Variants in CDH4 observed in about 807,000 individuals in gnomAD.
The protein encoded by CDH4 is cadherin-4.
Under a neutral mutation model 86.0 loss-of-function variants are expected in CDH4, and 33 were observed. The observed-to-expected ratio is 0.38, with a 90% CI of 0.29 to 0.51. CDH4 has a LOEUF of 0.51. CDH4 is among the 20% of genes least tolerant of loss of function. The pLI is 0.86. For missense variants in CDH4, 1,114 were observed against 1,307.4 expected, an observed-to-expected ratio of 0.85 and a Z score of 2.28; for synonymous variants, 555 against 549.4, an observed-to-expected ratio of 1.01 and a Z score of -0.14.
At chr20:61,646,325 C>T (rs1173214265) in intron 2 of CDH4, among the ~76,000 whole-genome samples, 5 of 152,196 alleles carry the variant, frequency 3.3e-5, no homozygotes, top group African/African-American at 1.2e-4. Flanking sequence ...AGTGTTTATT[C>T]AGCCCGCACC....
At chr20:61,645,667 T>C (rs1600835431) in intron 2 of CDH4, among the ~76,000 whole-genome samples, 1 of 150,536 alleles carries the variant, frequency 6.6e-6, no homozygotes, top group South Asian at 2.1e-4. Context: ...CATTTCCTGG[T>C]GCTTCTGCAG....
chr20:61,551,050 A>C (rs2086125739), intron 2 of CDH4, among the ~76,000 whole-genome samples: 1 of 152,258 alleles, frequency 6.6e-6, no homozygotes, highest in South Asian at 2.1e-4. Context: ...TAATCTTTAA[A>C]TTCAGTTTCC....
chr20:61,503,209 C>T (rs1027749194), intron 2 of CDH4, among the ~76,000 whole-genome samples: 23 of 152,014 alleles, frequency 1.5e-4, no homozygotes, highest in African/African-American at 5.6e-4. Context: ...GTGATCAGGG[C>T]GAGGTCTTTG....
chr20:61,283,466 C>T (rs1451213093), intron 2 of CDH4, among the ~76,000 whole-genome samples: 2 of 126,546 alleles, frequency 1.6e-5, no homozygotes, highest in East Asian at 2.5e-4. Flanking sequence ...TGCGTTTGCA[C>T]GCGTGTGCTG....
rs867262706 is a variant in CDH4, at chr20:61,582,349, C to T, written c.170-161214C>T. Among the ~76,000 whole-genome samples the T allele has an allele frequency of 3.0e-4, 46 of 152,306 alleles. No homozygotes were observed. The highest frequency in any genetic ancestry group is 9.6e-4 in the African/African-American group (40 of 41,586). On this transcript the variant is annotated intron_variant, in intron 2 of 15. Coordinates refer to ENST00000614565, the MANE Select transcript of CDH4 (RefSeq NM_001794.5). The surrounding 1 kb of genome is among the most constrained non-coding windows in gnomAD (Gnocchi z 4.2). ...TCCGCTCTCCTCCTTATTGTTCAAG[C>T]GCAGTGAAAAAGGCAGCGTGAGCCC...
intron 2 of CDH4, among the ~76,000 whole-genome samples, chr20:61,395,396 T>C (rs1327377247): frequency 6.6e-6 from 1 of 152,168 alleles, no homozygotes; most frequent in Non-Finnish European, 1.5e-5. Context: ...ATATGACATA[T>C]ATACATGCAT....
chr20:61,804,293 C>G (rs115515984), intron 4 of CDH4, among the ~76,000 whole-genome samples: 2,557 of 152,310 alleles, frequency 0.017, 66 homozygotes, highest in African/African-American at 0.058. Flanking sequence ...GTGTCACCAG[C>G]CACATGGTGC....
chr20:61,710,095 T>C (rs2087873654), intron 2 of CDH4, among the ~76,000 whole-genome samples: 1 of 152,116 alleles, frequency 6.6e-6, no homozygotes, highest in South Asian at 2.1e-4. Context: ...GGATCCAGAA[T>C]GAACCGAGAA....
In CDH4 at chr20:61,902,657, T is replaced by C. The variant is rs2054739250; in HGVS notation, c.1188+7610T>C. On this transcript the variant is annotated intron_variant, in intron 8 of 15. Transcript: ENST00000614565. The surrounding 1 kb of genome is among the most constrained non-coding windows in gnomAD (Gnocchi z 4.6). ...CAGACAAAACAGAAGCGAGTGGGTG[T>C]GGCCATGTCCCAATAAACTTTATTT... Among the ~76,000 whole-genome samples, 2 of 152,358 alleles carry C rather than the reference T, an allele frequency of 1.3e-5. No homozygotes were observed. Among genetic ancestry groups the C allele is most frequent in the African/African-American group, 4.8e-5 (2 of 41,582 alleles).
intron 2 of CDH4, among the ~76,000 whole-genome samples, chr20:61,608,681 T>G (rs1261423688): frequency 6.6e-6 from 1 of 152,262 alleles, no homozygotes; most frequent in African/African-American, 2.4e-5. Context: ...TTGGACGCTG[T>G]GCTCTCCTGG....
At position 61,254,864 on chromosome 20, in the gene CDH4, G is replaced by A; in HGVS notation, c.96G>A (p.Lys32=). The A allele has an allele frequency of 3.7e-6, 6 of 1,613,078 alleles. No individual in the cohort carries two copies. Among genetic ancestry groups the A allele is most frequent in the African/African-American group, 1.3e-5 (1 of 75,038 alleles). The part of the protein sequence containing the change: ...NEDLTTRETC[K]AGFSEDDYTA... ...ATCTTACAACTAGAGAGACCTGCAA[G>A]GCTGGGTTCTCTGAAGATGATTACA... The change falls in exon 2 of 16, where the codon AAG becomes AAA. Residue 32 remains lysine, a synonymous_variant. Transcript: ENST00000614565.
At chr20:61,263,527 G>A (rs6071558) in intron 2 of CDH4, among the ~76,000 whole-genome samples, 5 of 152,174 alleles carry the variant, frequency 3.3e-5, no homozygotes, top group Non-Finnish European at 7.3e-5. Context: ...TGCAGCCTAA[G>A]GTAGTTAGAA....
chr20:61,641,694 A>G lies in CDH4; in HGVS notation c.170-101869A>G, dbSNP rs6142814. 1.9e-4 allele frequency among the ~76,000 whole-genome samples: 11 copies of G among 57,974 alleles called. 1 individual carries two copies. Among genetic ancestry groups the G allele is most frequent in the African/African-American group, 5.1e-4 (6 of 11,660 alleles). The allele number at this position is 57,974 out of a possible 152,430, so 38.0% of individuals were successfully genotyped here. The stretch of plus-strand genomic sequence containing the variant: ...ATCAGATGGGGCTGCCTGACCCACC[A>G]GGCACCACAGCACCCAGGACACCTA... On this transcript the variant is annotated intron_variant, in intron 2 of 15. Transcript: ENST00000614565.
chr20:61,845,527 G>A (rs1474285495), intron 5 of CDH4, among the ~76,000 whole-genome samples: 1 of 152,228 alleles, frequency 6.6e-6, no homozygotes, highest in African/African-American at 2.4e-5. Context: ...GTCCAGAGCT[G>A]TCCATCACGT....
At chr20:61,275,624 G>T (rs1340951540) in intron 2 of CDH4, among the ~76,000 whole-genome samples, 2 of 135,514 alleles carry the variant, frequency 1.5e-5, no homozygotes, top group African/African-American at 2.9e-5. Context: ...GCGCAGTTTG[G>T]GGGAGTACCA....
chr20:61,351,243 T>C (rs2084710523), intron 2 of CDH4, among the ~76,000 whole-genome samples: 2 of 152,100 alleles, frequency 1.3e-5, no homozygotes, highest in South Asian at 4.2e-4. Flanking sequence ...ATGGACAGAT[T>C]TTTTCTTGTC....
At chr20:61,723,345 T>A (rs2088064389) in intron 2 of CDH4, among the ~76,000 whole-genome samples, 1 of 152,148 alleles carries the variant, frequency 6.6e-6, no homozygotes, top group East Asian at 1.9e-4. Context: ...GGCAGGCCCC[T>A]CCCGGGGCCC....
At chr20:61,313,184 A>G (rs552013785) in intron 2 of CDH4, among the ~76,000 whole-genome samples, 5 of 152,250 alleles carry the variant, frequency 3.3e-5, no homozygotes, top group Middle Eastern at 3.4e-3. Context: ...CACCACTCTC[A>G]ATCGTGCACT....
Position 61,774,698 on chromosome 20 carries a change from C to T in CDH4, c.576+1516C>T, listed in dbSNP as rs1324725290. Among the ~76,000 whole-genome samples, 10 of 152,240 alleles carry T rather than the reference C, an allele frequency of 6.6e-5. No individual in the cohort carries two copies. In the East Asian group the frequency reaches 1.9e-3, roughly 29 times the overall value. Reference sequence around the variant, plus strand: ...TTCTGCCCCACCCCTCCCACAGGCCCCAGTGTGGGTTGTTCCCCTCCCTGT... The same window carrying T: ...TTCTGCCCCACCCCTCCCACAGGCCTCAGTGTGGGTTGTTCCCCTCCCTGT... On this transcript the variant is annotated intron_variant, in intron 4 of 15. Coordinates refer to ENST00000614565, the MANE Select transcript of CDH4 (RefSeq NM_001794.5).
Sources: allele counts gnomAD v4.1 joint callset (sites outside exome capture counted in the v4.1 genomes callset), GRCh38; gene constraint gnomAD v4.1.1; non-coding constraint Gnocchi (gnomAD v3.1); transcripts MANE v1.5; gene names NCBI Gene and HGNC (gene_info 2026-07-23, HGNC 2026-07-21).